The following TENM3 variants were observed in gnomAD, a reference collection of about 807,000 sequenced individuals.
TENM3 encodes the protein teneurin transmembrane protein 3, also known as teneurin-3.
TENM3 carries 63 observed loss-of-function variants against 255.1 expected under a neutral mutation model. The observed-to-expected ratio is 0.25, with a 90% CI of 0.20 to 0.30. The LOEUF (loss-of-function observed/expected upper bound fraction) is 0.30, where lower values mean the gene tolerates loss of function less well. Among genes scored for constraint, TENM3 ranks in the 10% least tolerant of loss-of-function variants. The pLI, the probability that TENM3 is intolerant of heterozygous loss-of-function variation, is 1.00. For missense variants in TENM3, 2,929 were observed against 3,461.1 expected, an observed-to-expected ratio of 0.85 and a Z score of 3.86; for synonymous variants, 1,306 against 1,322.3, an observed-to-expected ratio of 0.99 and a Z score of 0.27.
chr4:181,984,836 C>T, the TENM3 span, among the ~76,000 whole-genome samples: 1 of 116,982 alleles, frequency 8.5e-6, no homozygotes, highest in Admixed American at 9.2e-5. Flanking sequence ...GTGTGTGTGC[C>T]TTTGAAATAA....
intron 1 of TENM3, among the ~76,000 whole-genome samples, chr4:182,255,473 TAC>T (rs1561248853): frequency 6.6e-6 from 1 of 152,158 alleles, no homozygotes. Flanking sequence ...AATCAACACT[TAC>T]AGAGGATTAT....
At chr4:182,032,843 T>G in the TENM3 span, among the ~76,000 whole-genome samples, 958 of 152,268 alleles carry the variant, frequency 6.3e-3, 9 homozygotes, top group African/African-American at 0.022. Flanking sequence ...TGCATAGAGA[T>G]GTTTATAGTA....
the TENM3 span, among the ~76,000 whole-genome samples, chr4:181,628,172 T>C: frequency 2.0e-5 from 3 of 152,160 alleles, no homozygotes; most frequent in African/African-American, 7.2e-5. Context: ...TGGCCCACTT[T>C]TTGATGGGGT....
the TENM3 span, among the ~76,000 whole-genome samples, chr4:181,799,943 G>T: frequency 6.6e-6 from 1 of 152,124 alleles, no homozygotes; most frequent in African/African-American, 2.4e-5. Context: ...TGAGTAGAGT[G>T]GTCTGTGGAG....
intron 4 of TENM3, among the ~76,000 whole-genome samples, chr4:182,604,511 A>G (rs774118079): frequency 2.2e-4 from 33 of 152,194 alleles, no homozygotes; most frequent in Non-Finnish European, 1.2e-4. Flanking sequence ...ATGTAATAAT[A>G]GCTGCTACAA....
At chr4:182,730,709 G>A (rs1460585727) in intron 15 of TENM3, among the ~76,000 whole-genome samples, 169 bp from the exon 16 acceptor site, 1 of 152,188 alleles carries the variant, frequency 6.6e-6, no homozygotes, top group Non-Finnish European at 1.5e-5. Context: ...GGACACAAGA[G>A]TATTTATTGT....
intron 1 of TENM3, among the ~76,000 whole-genome samples, chr4:182,194,508 T>C (rs908638871): frequency 1.3e-5 from 2 of 152,226 alleles, no homozygotes; most frequent in African/African-American, 4.8e-5. Flanking sequence ...ACGACGCTTC[T>C]TAAGATGAGG....
At chr4:181,903,170 G>A in the TENM3 span, among the ~76,000 whole-genome samples, 1 of 151,860 alleles carries the variant, frequency 6.6e-6, no homozygotes, top group Non-Finnish European at 1.5e-5. Context: ...TCTTAAGGAA[G>A]CATCTATATT....
intron 1 of TENM3, among the ~76,000 whole-genome samples, chr4:182,155,133 A>G (rs1268212817): frequency 2.0e-5 from 3 of 152,190 alleles, no homozygotes; most frequent in African/African-American, 7.2e-5. Flanking sequence ...AGTATTGGCT[A>G]ATTGAGTCAT....
At chr4:181,521,412 G>A in the TENM3 span, among the ~76,000 whole-genome samples, 1 of 152,208 alleles carries the variant, frequency 6.6e-6, no homozygotes, top group Non-Finnish European at 1.5e-5. Flanking sequence ...ATGGCTTGCA[G>A]TAAGGTTACT....
the TENM3 span, among the ~76,000 whole-genome samples, chr4:181,502,148 T>C: frequency 1.3e-5 from 2 of 152,184 alleles, no homozygotes; most frequent in African/African-American, 2.4e-5. Flanking sequence ...ACAGGAGATT[T>C]TAGGCAACGA....
At chr4:181,927,051 C>A in the TENM3 span, among the ~76,000 whole-genome samples, 1 of 152,168 alleles carries the variant, frequency 6.6e-6, no homozygotes, top group Non-Finnish European at 1.5e-5. Flanking sequence ...CCTATGCCAC[C>A]AGAGCCCTGG....
chr4:181,908,916 G>T, the TENM3 span, among the ~76,000 whole-genome samples: 1 of 152,228 alleles, frequency 6.6e-6, no homozygotes, highest in Admixed American at 6.5e-5. Context: ...TGCAAGCGAG[G>T]TGTAGAGGTT....
chr4:182,348,055 A>AT (rs1764942682), intron 3 of TENM3, among the ~76,000 whole-genome samples: 1 of 152,134 alleles, frequency 6.6e-6, no homozygotes, highest in Non-Finnish European at 1.5e-5. Flanking sequence ...CTTATTAGTT[A>AT]TTTTCTTTCT....
the TENM3 span, among the ~76,000 whole-genome samples, chr4:181,691,991 G>A: frequency 0.8 from 121,226 of 152,112 alleles, 48,511 homozygotes; most frequent in Admixed American, 0.88. Context: ...TTCTAATTCC[G>A]CATTGTTGAC....
chr4:181,710,636 C>T, the TENM3 span, among the ~76,000 whole-genome samples: 2 of 152,066 alleles, frequency 1.3e-5, no homozygotes, highest in African/African-American at 2.4e-5. Flanking sequence ...GCGGGAGAAT[C>T]GCTTGAACCT....
chr4:181,876,122 G>A, the TENM3 span, among the ~76,000 whole-genome samples: 29 of 152,056 alleles, frequency 1.9e-4, no homozygotes, highest in Non-Finnish European at 3.5e-4. Flanking sequence ...TATTTTCTTT[G>A]ACTATACACC....
chr4:181,985,307 G>T, the TENM3 span, among the ~76,000 whole-genome samples: 1 of 148,044 alleles, frequency 6.8e-6, no homozygotes. Flanking sequence ...AATCAGCTAA[G>T]GTTCCCATAG....
the TENM3 span, among the ~76,000 whole-genome samples, chr4:181,704,576 C>A: frequency 2.6e-5 from 4 of 152,062 alleles, no homozygotes; most frequent in African/African-American, 7.2e-5. Flanking sequence ...CATACAAACA[C>A]AAAGTAAAAT....
Sources: allele counts gnomAD v4.1 joint callset (sites outside exome capture counted in the v4.1 genomes callset), GRCh38; gene constraint gnomAD v4.1.1; transcripts MANE v1.5; gene names NCBI Gene and HGNC (gene_info 2026-07-23, HGNC 2026-07-21).